Variants in RIMS2 observed in about 807,000 individuals in gnomAD.
The protein encoded by RIMS2 is regulating synaptic membrane exocytosis protein 2.
In RIMS2, 59 loss-of-function variants were observed where a neutral mutation model predicts 174.4. That is an observed-to-expected ratio of 0.34 (90% CI 0.27 to 0.42). The LOEUF is 0.42. Among genes scored for constraint, RIMS2 ranks in the 10% least tolerant of loss-of-function variants. RIMS2 has a pLI of 1.00. For synonymous variants in RIMS2, 606 were observed against 572.5 expected, an observed-to-expected ratio of 1.06 and a Z score of -0.84; for missense variants, 1,620 against 1,666.3, an observed-to-expected ratio of 0.97 and a Z score of 0.48.
At chr8:103,741,056 A>T (rs956418444) in intron 2 of RIMS2, among the ~76,000 whole-genome samples, 4 of 152,054 alleles carry the variant, frequency 2.6e-5, no homozygotes, top group African/African-American at 9.6e-5. Context: ...GTTTTGAAAA[A>T]TTTCTATTGG....
At chr8:104,042,793 G>C (rs897703077) in intron 19 of RIMS2, among the ~76,000 whole-genome samples, 1 of 151,528 alleles carries the variant, frequency 6.6e-6, no homozygotes, top group African/African-American at 2.4e-5. Flanking sequence ...TGGAATTCAG[G>C]AGAGAAGTCT....
intron 19 of RIMS2, among the ~76,000 whole-genome samples, chr8:104,100,998 TTA>T (rs1254530734): frequency 2.1e-4 from 30 of 141,922 alleles, no homozygotes; most frequent in Non-Finnish European, 7.6e-5. Flanking sequence ...ATAGTATATG[TTA>T]TATATGATAT....
At chr8:104,195,928 C>T (rs2099021863) in intron 19 of RIMS2, among the ~76,000 whole-genome samples, 2 of 151,996 alleles carry the variant, frequency 1.3e-5, no homozygotes, top group African/African-American at 4.8e-5. Flanking sequence ...AATTAAAAGA[C>T]TTTTAAGGCA....
chr8:104,226,768 T>C (rs2099190367), intron 19 of RIMS2, among the ~76,000 whole-genome samples: 1 of 152,182 alleles, frequency 6.6e-6, no homozygotes, highest in Admixed American at 6.5e-5. Flanking sequence ...ACCAAGCCAG[T>C]ATCAGCAGCC....
rs115090481 is a variant in RIMS2, at chr8:103,920,708, G to C, written c.2084-964G>C. On this transcript the variant is annotated intron_variant, in intron 9 of 23. Transcript: ENST00000504942. ...CATTCCCTTAAATATAGGTCTTCCT[G>C]GCCTAGCGTGGTGGCTCACGCGTGT... 1.2e-3 allele frequency: 550 copies of C among 457,066 alleles called. 6 individuals carry two copies. Among genetic ancestry groups the C allele is most frequent in the African/African-American group, 0.01 (517 of 50,070 alleles). 28.3% of individuals were successfully genotyped at this position (457,066 alleles called of 1,614,324 possible). A position where few individuals can be genotyped will look rare whatever the true frequency, so the allele number is the denominator to read the frequency against.
At chr8:103,803,552 A>G (rs2098629940) in intron 3 of RIMS2, among the ~76,000 whole-genome samples, 1 of 152,226 alleles carries the variant, frequency 6.6e-6, no homozygotes, top group African/African-American at 2.4e-5. Flanking sequence ...TATACAGTAG[A>G]CAGAATTCTA....
intron 19 of RIMS2, among the ~76,000 whole-genome samples, chr8:104,096,600 T>C (rs1187541096): frequency 1.3e-5 from 2 of 152,154 alleles, no homozygotes; most frequent in East Asian, 1.9e-4. Flanking sequence ...CCGGGTGCGA[T>C]GGCTCACGCC....
Position 103,787,591 on chromosome 8 carries a change from A to G in RIMS2, c.698+21054A>G, listed in dbSNP as rs561624314. On this transcript the variant is annotated intron_variant, in intron 3 of 23. Coordinates refer to ENST00000504942, the Ensembl canonical transcript of RIMS2. ...AAATTCTTTTCTTTAAGAATGTTGAATATTGGCCCCTACTCTCTTCTTGCT... is the reference window on the plus strand; with the variant it reads ...AAATTCTTTTCTTTAAGAATGTTGAGTATTGGCCCCTACTCTCTTCTTGCT... 4.6e-5 allele frequency among the ~76,000 whole-genome samples: 7 copies of G among 152,208 alleles called. No homozygotes were observed. In the Middle Eastern group the frequency reaches 0.01, roughly 222 times the overall value.
At position 104,015,776 on chromosome 8, in the gene RIMS2, A is replaced by G. The variant is rs2095884388; in HGVS notation, c.3334+1161A>G. 1.3e-5 allele frequency among the ~76,000 whole-genome samples: 2 copies of G among 152,096 alleles called. 1 individual carries two copies. Among genetic ancestry groups the G allele is most frequent in the South Asian group, 4.1e-4 (2 of 4,836 alleles). On this transcript the variant is annotated intron_variant, in intron 19 of 23. Transcript: ENST00000504942. ...CTAGATTTCGAGTAAGACTTTAACCAAAGATATCAATTGCAGTCTACGTTT... is the reference window on the plus strand; with the variant it reads ...CTAGATTTCGAGTAAGACTTTAACCGAAGATATCAATTGCAGTCTACGTTT...
intron 19 of RIMS2, among the ~76,000 whole-genome samples, chr8:104,130,296 T>C (rs1477641611): frequency 6.6e-6 from 1 of 152,236 alleles, no homozygotes; most frequent in Non-Finnish European, 1.5e-5. Flanking sequence ...TGTAATGATC[T>C]GGGTGAACCT....
At chr8:103,915,582 C>T (rs746731023) in exon 7 of RIMS2, 2 of 1,566,754 alleles carry the variant, frequency 1.3e-6, no homozygotes, top group Admixed American at 3.4e-5. Flanking sequence ...TACTGTAGGA[C>T]ATCTTAGACC....
intron 1 of RIMS2, among the ~76,000 whole-genome samples, chr8:103,634,971 C>G (rs912709065): frequency 6.6e-6 from 1 of 152,114 alleles, no homozygotes; most frequent in Admixed American, 6.5e-5. Flanking sequence ...TTTTATCCAG[C>G]TTGCTACTCT....
intron 19 of RIMS2, among the ~76,000 whole-genome samples, chr8:104,073,466 C>T (rs1178803870): frequency 2.6e-5 from 4 of 152,094 alleles, no homozygotes; most frequent in Non-Finnish European, 5.9e-5. Flanking sequence ...AAACCATGCT[C>T]TTTTTTAAGG....
rs76883351 is a variant in RIMS2, at chr8:104,229,673, A to G, written c.3335-15243A>G. ...CTCTCTCCCTTGCTCTATTACCCAG[A>G]CCATGTGGCCTATGGAAAATGGCAG... On this transcript the variant is annotated intron_variant, in intron 19 of 23. Coordinates refer to ENST00000504942, the Ensembl canonical transcript of RIMS2. Among the ~76,000 whole-genome samples the G allele has an allele frequency of 8.7e-3, 1,322 of 152,110 alleles. 16 individuals carry two copies. Among genetic ancestry groups the G allele is most frequent in the African/African-American group, 0.031 (1,275 of 41,474 alleles).
At chr8:103,759,582 A>G (rs1344514309) in intron 2 of RIMS2, among the ~76,000 whole-genome samples, 2 of 151,402 alleles carry the variant, frequency 1.3e-5, no homozygotes, top group Non-Finnish European at 2.9e-5. Context: ...AAAAAAAAAA[A>G]AAAAAAGAAA....
At chr8:103,530,020 A>G (rs2130858943) in intron 1 of RIMS2, among the ~76,000 whole-genome samples, 1 of 152,346 alleles carries the variant, frequency 6.6e-6, no homozygotes, top group African/African-American at 2.4e-5. Context: ...GAATGAGGAA[A>G]GATGAAAAGG....
intron 2 of RIMS2, among the ~76,000 whole-genome samples, chr8:103,755,465 A>T (rs908270007): frequency 6.6e-5 from 10 of 152,052 alleles, no homozygotes; most frequent in African/African-American, 2.2e-4. Flanking sequence ...CCTGAATTTG[A>T]ATATTGGCCT....
In RIMS2 at chr8:104,123,214, C is replaced by A. The variant is rs553691617; in HGVS notation, c.3334+108599C>A. Among the ~76,000 whole-genome samples the A allele has an allele frequency of 3.3e-5, 5 of 152,000 alleles. No homozygotes were observed. The South Asian group carries it at 1.0e-3, about 32-fold the overall frequency. ...AAATATGGTATAATGCTAACTTTCA[C>A]TCAGTATGTGTATATTTTTATTTTA... On this transcript the variant is annotated intron_variant, in intron 19 of 23. Coordinates refer to ENST00000504942, the Ensembl canonical transcript of RIMS2.
chr8:103,567,441 G>C (rs1299486586), intron 1 of RIMS2, among the ~76,000 whole-genome samples: 1 of 152,046 alleles, frequency 6.6e-6, no homozygotes, highest in African/African-American at 2.4e-5. Context: ...GTGTGTGTCT[G>C]GCTTCTTTTA....
Sources: allele counts gnomAD v4.1 joint callset (sites outside exome capture counted in the v4.1 genomes callset), GRCh38; gene constraint gnomAD v4.1.1; transcripts MANE v1.5; gene names NCBI Gene and HGNC (gene_info 2026-07-23, HGNC 2026-07-21).